Variants in CABYR observed in about 807,000 individuals in gnomAD.
CABYR encodes calcium-binding tyrosine phosphorylation-regulated protein.
Under a neutral mutation model 36.1 loss-of-function variants are expected in CABYR, and 31 were observed. The ratio of observed to expected loss-of-function variants is 0.86; its 90% CI spans 0.64 to 1.16. The LOEUF (loss-of-function observed/expected upper bound fraction) is 1.16, where lower values mean the gene tolerates loss of function less well. Among genes scored for constraint, CABYR ranks in the 50% most tolerant of loss-of-function variants. CABYR has a pLI of 0.00. For synonymous variants in CABYR, 146 were observed against 160.7 expected (o/e 0.91, Z 0.69); for missense variants, 429 against 455.8 (o/e 0.94, Z 0.53).
At position 24,155,717 on chromosome 18, in the gene CABYR, AG is replaced by A. The variant is rs751892683; in HGVS notation, c.218del (p.Gly73GlufsTer8). 9 of 1,599,584 alleles carry A rather than the reference AG, an allele frequency of 5.6e-6. No individual in the cohort carries two copies. The South Asian group carries it at 9.1e-5, about 16-fold the overall frequency. On this transcript the variant is annotated frameshift_variant, in exon 4 of 6. Coordinates refer to ENST00000399496, the MANE Select transcript of CABYR (RefSeq NM_153769.3). LOFTEE classifies it high-confidence loss of function. Reference protein sequence around the residue: ...HQIKVEKWSEGTTPQKKLECL... With the variant: ...HQIKVEKWSEXTTPQKKLECL... ...GTTTTTCAGTAGAGAAATGGTCAGA[AG>A]GAACGACACCACAGAAGAAATTAGA...
chr18:24,146,968 C>A (rs2085474995), intron 3 of CABYR, among the ~76,000 whole-genome samples: 1 of 152,022 alleles, frequency 6.6e-6, no homozygotes, highest in Non-Finnish European at 1.5e-5. Context: ...GAGAAGAATG[C>A]ATTGCCTACT....
At chr18:24,159,345 T>A (rs1015638305) in intron 4 of CABYR, 127 bp from the exon 5 acceptor site, 1 of 686,932 alleles carries the variant, frequency 1.5e-6, no homozygotes, top group Admixed American at 2.5e-5. Context: ...GCCCTCTCTA[T>A]AGCATGCTCT....
chr18:24,151,433 C>T (rs886680156), intron 3 of CABYR, among the ~76,000 whole-genome samples: 5 of 152,164 alleles, frequency 3.3e-5, no homozygotes, highest in African/African-American at 1.2e-4. Context: ...CTTTAGCAAA[C>T]CTAGTTTGCA....
intron 5 of CABYR, 105 bp downstream of exon 5, chr18:24,160,174 T>C: frequency 2.4e-6 from 2 of 846,264 alleles, no homozygotes; most frequent in Non-Finnish European, 3.8e-6. Flanking sequence ...CAATTTGAGA[T>C]AATAAGTTGG....
intron 4 of CABYR, among the ~76,000 whole-genome samples, chr18:24,158,509 A>G (rs1047338101): frequency 2.0e-5 from 3 of 151,608 alleles, no homozygotes; most frequent in Non-Finnish European, 2.9e-5. Context: ...GTAGAGATGG[A>G]GTTTCTCCAT....
chr18:24,146,392 A>C (rs1480033386), intron 3 of CABYR, among the ~76,000 whole-genome samples: 2 of 152,224 alleles, frequency 1.3e-5, no homozygotes, highest in Non-Finnish European at 2.9e-5. Context: ...TAAGAGATGT[A>C]TATGGAACAT....
At chr18:24,148,904 C>T (rs2085528305) in intron 3 of CABYR, among the ~76,000 whole-genome samples, 1 of 152,072 alleles carries the variant, frequency 6.6e-6, no homozygotes, top group Non-Finnish European at 1.5e-5. Flanking sequence ...AGAGGAAAAA[C>T]AAAGCTTCCA....
intron 1 of CABYR, chr18:24,139,524 C>G (rs1380518894): frequency 6.6e-6 from 1 of 152,232 alleles, no homozygotes; most frequent in African/African-American, 2.4e-5. Flanking sequence ...TGAAAGGCAT[C>G]GTATTTCTCG....
chr18:24,146,287 T>G (rs1221127068), intron 3 of CABYR, among the ~76,000 whole-genome samples: 3 of 152,148 alleles, frequency 2.0e-5, no homozygotes, highest in Non-Finnish European at 4.4e-5. Flanking sequence ...AACTATAAAA[T>G]TATATGGCTT....
intron 5 of CABYR, among the ~76,000 whole-genome samples, chr18:24,161,234 G>C (rs2085972631): frequency 6.6e-6 from 1 of 152,162 alleles, no homozygotes; most frequent in Non-Finnish European, 1.5e-5. Flanking sequence ...TCATAAGCAG[G>C]CTCAAGGACC....
At position 24,159,950 on chromosome 18, in the gene CABYR, T is replaced by C. The variant is rs748395427; in HGVS notation, c.1020T>C (p.Asp340=). The C allele has an allele frequency of 6.2e-6, 10 of 1,614,036 alleles. No individual in the cohort carries two copies. The highest frequency in any genetic ancestry group is 1.3e-5 in the African/African-American group (1 of 74,896). ...VFLSVAFPVE[D]VAKKSSGSGD... is the part of the protein sequence containing the mutation. Reference sequence around the variant, plus strand: ...TTTCTGTTGCTTTCCCAGTAGAAGATGTAGCTAAAAAAAGTTCAGGATCTG... The same window carrying C: ...TTTCTGTTGCTTTCCCAGTAGAAGACGTAGCTAAAAAAAGTTCAGGATCTG... The change falls in exon 5 of 6, where the codon GAT becomes GAC. Residue 340 remains aspartate (D), a synonymous_variant. Transcript: ENST00000399496.
chr18:24,155,505 G>A (rs565147221), intron 3 of CABYR, among the ~76,000 whole-genome samples, 196 bp from the exon 4 acceptor site: 1 of 152,052 alleles, frequency 6.6e-6, no homozygotes, highest in Non-Finnish European at 1.5e-5. Context: ...GTGGTGGTGG[G>A]TAGAGATGGG....
intron 3 of CABYR, among the ~76,000 whole-genome samples, chr18:24,145,196 T>C (rs532651603): frequency 1.3e-5 from 2 of 152,348 alleles, no homozygotes; most frequent in African/African-American, 4.8e-5. Context: ...TTAACAAATA[T>C]TTAAATTCCT....
Position 24,159,720 on chromosome 18 carries a change from G to C in CABYR, c.790G>C (p.Gly264Arg). Residue 264 changes from glycine (G) to arginine (R), a missense_variant, in exon 5 of 6, where the codon GGC (glycine) becomes CGC (arginine). Coordinates refer to ENST00000399496, the MANE Select transcript of CABYR (RefSeq NM_153769.3). Reference protein sequence around the residue: ...KTSAPPFILVGSNVQEAQGWK... With the variant: ...KTSAPPFILVRSNVQEAQGWK... ...CAGTGCCCCACCTTTTATCTTAGTA[G>C]GCTCAAATGTTCAGGAAGCACAGGG... 1 of 1,613,840 alleles carries C rather than the reference G, an allele frequency of 6.2e-7. No homozygotes were observed. Among genetic ancestry groups the C allele is most frequent in the South Asian group, 1.1e-5 (1 of 91,042 alleles).
chr18:24,155,864 G>A lies in CABYR; in HGVS notation c.363G>A (p.Gln121=). The A allele has an allele frequency of 6.2e-7, 1 of 1,614,180 alleles. No individual in the cohort carries two copies. Among genetic ancestry groups the A allele is most frequent in the Non-Finnish European group, 8.5e-7 (1 of 1,180,026 alleles). The part of the protein sequence containing the change: ...TRTEYSDKTT[Q]FPSVYAVPGT... ...CAGAATATAGTGACAAAACCACCCA[G>A]TTTCCATCAGTTTATGCTGTGCCAG... Residue 121 remains glutamine (Q), a synonymous_variant, in exon 4 of 6, where the codon CAG becomes CAA. Coordinates refer to ENST00000399496, the MANE Select transcript of CABYR (RefSeq NM_153769.3).
At chr18:24,146,015 C>A (rs2085450236) in intron 3 of CABYR, among the ~76,000 whole-genome samples, 1 of 152,078 alleles carries the variant, frequency 6.6e-6, no homozygotes, top group Non-Finnish European at 1.5e-5. Flanking sequence ...AGAGCCTTTA[C>A]AACGTGTCAT....
chr18:24,159,176 T>C (rs914427841), intron 4 of CABYR, among the ~76,000 whole-genome samples: 9 of 152,238 alleles, frequency 5.9e-5, no homozygotes, highest in African/African-American at 1.9e-4. Flanking sequence ...GAGGAGCCTA[T>C]AGAAGCCACG....
intron 3 of CABYR, among the ~76,000 whole-genome samples, chr18:24,154,203 CTATCT>C (rs2085713383): frequency 6.7e-6 from 1 of 148,382 alleles, no homozygotes; most frequent in African/African-American, 2.5e-5. Context: ...CTATATTTGT[CTATCT>C]TATTTCTCCT....
At chr18:24,149,571 G>A (rs1599381692) in intron 3 of CABYR, among the ~76,000 whole-genome samples, 1 of 152,256 alleles carries the variant, frequency 6.6e-6, no homozygotes, top group South Asian at 2.1e-4. Context: ...CAGCCCTTGG[G>A]TGGTCGATGG....
Sources: allele counts gnomAD v4.1 joint callset (sites outside exome capture counted in the v4.1 genomes callset), GRCh38; gene constraint gnomAD v4.1.1; transcripts MANE v1.5; gene names NCBI Gene and HGNC (gene_info 2026-07-23, HGNC 2026-07-21).